ERG: variants seen among roughly 807,000 people sequenced by gnomAD.
The protein encoded by ERG is transcriptional regulator ERG.
A neutral mutation model predicts 55.3 loss-of-function variants in ERG; 9 were observed. The observed-to-expected ratio is 0.16, with a 90% CI of 0.10 to 0.28. The LOEUF is 0.28. ERG is among the 10% of genes least tolerant of loss of function. The pLI, the probability that ERG is intolerant of heterozygous loss-of-function variation, is 1.00. For synonymous variants in ERG, 223 were observed against 237.3 expected, an observed-to-expected ratio of 0.94 and a Z score of 0.55; for missense variants, 434 against 631.6, an observed-to-expected ratio of 0.69 and a Z score of 3.35.
chr21:38,493,941 C>A (rs1196957290), intron 1 of ERG, among the ~76,000 whole-genome samples: 1 of 152,196 alleles, frequency 6.6e-6, no homozygotes, highest in Non-Finnish European at 1.5e-5. Context: ...CGAGTGAGTG[C>A]AGAGCCTGAA....
At chr21:38,394,575 C>A (rs9983942) in intron 6 of ERG, among the ~76,000 whole-genome samples, 41,324 of 151,812 alleles carry the variant, frequency 0.27, 5,957 homozygotes, top group South Asian at 0.36. Context: ...GATGGTCTCG[C>A]TCTCCTGACC....
At chr21:38,421,415 T>A (rs907223144) in intron 3 of ERG, among the ~76,000 whole-genome samples, 1 of 152,168 alleles carries the variant, frequency 6.6e-6, no homozygotes, top group African/African-American at 2.4e-5. Context: ...TGGTGACAGA[T>A]CTAAGCTGAA....
rs1365765684 is a variant in ERG at position 38,528,543 on chromosome 21, G to A, written c.-41+47119C>T. ...GCTCACTGCAAGCTCCGCCTCCCGG[G>A]TTCACGCCATTCTCCTGCCTCAGCC... On this transcript the variant is annotated intron_variant, in intron 2 of 8. Transcript: ENST00000398897. Among the ~76,000 whole-genome samples the A allele has an allele frequency of 1.7e-4, 13 of 74,832 alleles. 1 individual carries two copies. In the East Asian group the frequency reaches 3.6e-3, roughly 21 times the overall value. 49.1% of individuals were successfully genotyped at this position (74,832 alleles called of 152,430 possible). A position where few individuals can be genotyped will look rare whatever the true frequency, so the allele number is the denominator to read the frequency against.
chr21:38,646,414 T>C (rs376304616), intron 1 of ERG, among the ~76,000 whole-genome samples: 5 of 151,886 alleles, frequency 3.3e-5, no homozygotes, highest in African/African-American at 9.7e-5. Flanking sequence ...AGATGAGAAG[T>C]GGAGGATTTG....
At chr21:38,589,212 G>A (rs1196500993), upstream of ERG, among the ~76,000 whole-genome samples, 1 of 152,156 alleles carries the variant, frequency 6.6e-6, no homozygotes, top group Non-Finnish European at 1.5e-5. Context: ...ACTCCAAGAA[G>A]TAGCCTGGAC....
intron 2 of ERG, among the ~76,000 whole-genome samples, chr21:38,521,080 C>T (rs1158702446): frequency 6.6e-6 from 1 of 152,178 alleles, no homozygotes; most frequent in Admixed American, 6.6e-5. Flanking sequence ...CTGCCCATCA[C>T]TTAGAAGCCC....
intron 1 of ERG, among the ~76,000 whole-genome samples, chr21:38,490,875 C>T (rs1472919818): frequency 6.6e-6 from 1 of 152,192 alleles, no homozygotes; most frequent in Non-Finnish European, 1.5e-5. Context: ...ATCCCTTTTC[C>T]ACAGAGGCTA....
chr21:38,508,745 CCTT>C (rs747314719), intron 2 of ERG, among the ~76,000 whole-genome samples: 7 of 152,184 alleles, frequency 4.6e-5, no homozygotes, highest in Non-Finnish European at 8.8e-5. Context: ...TCATGCATAA[CCTT>C]CTATAAAGTG....
At chr21:38,646,243 T>TGC (rs1256276560) in intron 1 of ERG, among the ~76,000 whole-genome samples, 1 of 144,508 alleles carries the variant, frequency 6.9e-6, no homozygotes, top group African/African-American at 2.6e-5. Context: ...ATGGCACCAC[T>TGC]GCACTCCAGC....
rs552533990 is a variant in ERG at position 38,653,092 on chromosome 21, C to G, written c.-150+8566G>C. Among the ~76,000 whole-genome samples the G allele has an allele frequency of 6.6e-5, 10 of 152,314 alleles. No individual in the cohort carries two copies. In the South Asian group the frequency reaches 2.1e-3, roughly 32 times the overall value. On this transcript the variant is annotated intron_variant, in intron 1 of 10. Transcript: ENST00000398910. Reference sequence around the variant, plus strand: ...CACGATGTGAATGTTCCCCTCCTTTCTAGACTCTGTGGTGTGAATGTCTGC... The same window carrying G: ...CACGATGTGAATGTTCCCCTCCTTTGTAGACTCTGTGGTGTGAATGTCTGC...
intron 2 of ERG, among the ~76,000 whole-genome samples, chr21:38,522,397 A>C (rs995353302): frequency 3.3e-5 from 5 of 152,198 alleles, no homozygotes; most frequent in Non-Finnish European, 5.9e-5. Context: ...CTAACATTTG[A>C]AAAGATTGAT....
At chr21:38,559,383 C>CTTTTTTTTTTTT (rs574207119) in intron 2 of ERG, among the ~76,000 whole-genome samples, 1 of 92,076 alleles carries the variant, frequency 1.1e-5, no homozygotes, top group African/African-American at 4.8e-5. Flanking sequence ...TCCCATTTCC[C>CTTTTTTTTTTTT]TTTTTTTTTT....
chr21:38,597,057 A>G (rs1405141863), intron 1 of ERG, among the ~76,000 whole-genome samples: 1 of 152,202 alleles, frequency 6.6e-6, no homozygotes, highest in Non-Finnish European at 1.5e-5. Context: ...TAATGGTAAT[A>G]TCTTCTTCTT....
chr21:38,476,809 G>T (rs1216136891), intron 1 of ERG, among the ~76,000 whole-genome samples: 1 of 152,070 alleles, frequency 6.6e-6, no homozygotes, highest in Non-Finnish European at 1.5e-5. Context: ...GTGGGCAATG[G>T]CTCTGTTCAT....
chr21:38,575,806 G>T, intron 1 of ERG: 1 of 1,288,410 alleles, frequency 7.8e-7, no homozygotes. Flanking sequence ...TGTGTTTTAT[G>T]TTCTAGCAGG....
intron 2 of ERG, among the ~76,000 whole-genome samples, chr21:38,504,154 T>C (rs1232077848): frequency 6.6e-6 from 1 of 152,244 alleles, no homozygotes; most frequent in African/African-American, 2.4e-5. Flanking sequence ...TTCTTCAGTC[T>C]CTTGGTTGAT....
chr21:38,572,629 T>A (rs552657567), intron 2 of ERG, among the ~76,000 whole-genome samples: 6 of 152,262 alleles, frequency 3.9e-5, no homozygotes, highest in African/African-American at 1.4e-4. Context: ...GAAATAAATA[T>A]CTTTAACACA....
intron 1 of ERG, among the ~76,000 whole-genome samples, chr21:38,656,475 G>A (rs1362018322): frequency 1.3e-5 from 2 of 152,104 alleles, no homozygotes; most frequent in African/African-American, 2.4e-5. Context: ...AGCTTCTGAC[G>A]GTGCACAAGC....
At chr21:38,373,906 A>G in the ERG span, among the ~76,000 whole-genome samples, 4 of 152,182 alleles carry the variant, frequency 2.6e-5, no homozygotes, top group Admixed American at 6.5e-5. Context: ...TGAAAAATGT[A>G]TATTGTTATT....
Sources: gnomAD v4.1 joint callset for allele counts (sites outside exome capture counted in the v4.1 genomes callset) on GRCh38, gnomAD v4.1.1 for gene constraint, MANE v1.5 for transcripts, NCBI Gene and HGNC (gene_info 2026-07-23, HGNC 2026-07-21) for gene names.